The following FAM13C variants were observed in gnomAD, a reference collection of about 807,000 sequenced individuals.
The protein encoded by FAM13C is family with sequence similarity 13 member C.
Under a neutral mutation model 73.2 loss-of-function variants are expected in FAM13C, and 37 were observed. The observed-to-expected ratio is 0.51, with a 90% confidence interval of 0.39 to 0.67. The LOEUF is 0.67. FAM13C is among the 30% of genes least tolerant of loss of function. The pLI, the probability that FAM13C is intolerant of heterozygous loss-of-function variation, is 0.00. For missense variants in FAM13C, 589 were observed against 715.6 expected, an observed-to-expected ratio of 0.82 and a Z score of 2.02; for synonymous variants, 246 against 260.9, an observed-to-expected ratio of 0.94 and a Z score of 0.55.
intron 10 of FAM13C, among the ~76,000 whole-genome samples, chr10:59,259,703 AC>A (rs1842296581): frequency 6.6e-6 from 1 of 152,198 alleles, no homozygotes; most frequent in Non-Finnish European, 1.5e-5. Context: ...CACTTATTAA[AC>A]AAAATAATAG....
At chr10:59,324,894 C>G (rs1411721607) in intron 3 of FAM13C, among the ~76,000 whole-genome samples, 4 of 150,820 alleles carry the variant, frequency 2.7e-5, no homozygotes, top group Non-Finnish European at 5.9e-5. Context: ...AGAATAAACA[C>G]AATAAACACA....
chr10:59,254,584 T>C (rs1472126042), intron 10 of FAM13C, 141 bp from the exon 11 acceptor site: 87 of 152,666 alleles, frequency 5.7e-4, no homozygotes, highest in Admixed American at 1.4e-3. Context: ...GTCATTTATT[T>C]ATTTATTTAT....
chr10:59,336,903 A>G (rs926623049), intron 3 of FAM13C, among the ~76,000 whole-genome samples: 21 of 152,194 alleles, frequency 1.4e-4, no homozygotes, highest in Non-Finnish European at 2.9e-5. Context: ...TCTATCTTCC[A>G]TCACCCCATC....
At chr10:59,291,922 G>C (rs1297058113) in intron 5 of FAM13C, among the ~76,000 whole-genome samples, 1 of 151,358 alleles carries the variant, frequency 6.6e-6, no homozygotes, top group Admixed American at 6.6e-5. Context: ...CTGAGTAGCT[G>C]GGACTACAGG....
At chr10:59,283,614 A>T (rs967982761) in intron 5 of FAM13C, 167 bp from the exon 6 acceptor site, 7 of 696,998 alleles carry the variant, frequency 1.0e-5, no homozygotes, top group Admixed American at 2.1e-5. Context: ...TGGCAGGAAG[A>T]GGGTGGTGGC....
intron 4 of FAM13C, among the ~76,000 whole-genome samples, chr10:59,321,199 T>C (rs1850198197): frequency 6.6e-6 from 1 of 152,090 alleles, no homozygotes; most frequent in Non-Finnish European, 1.5e-5. Context: ...ATTATCTGAG[T>C]GAGCCCAATC....
intron 10 of FAM13C, 140 bp downstream of exon 10, chr10:59,262,294 G>A (rs1459990): frequency 0.81 from 567,934 of 701,722 alleles, 233,490 homozygotes; most frequent in Admixed American, 0.86. Context: ...CCAGTAACCT[G>A]TCAGGAACTC....
chr10:59,347,705 G>A (rs1854500658), intron 3 of FAM13C, among the ~76,000 whole-genome samples: 3 of 151,028 alleles, frequency 2.0e-5, no homozygotes, highest in Non-Finnish European at 2.9e-5. Context: ...AGGCCCCAGT[G>A]TGTGATGTTC....
chr10:59,337,152 A>G (rs1321258014), intron 3 of FAM13C, among the ~76,000 whole-genome samples: 3 of 152,166 alleles, frequency 2.0e-5, no homozygotes, highest in African/African-American at 2.4e-5. Flanking sequence ...TAATTCTATC[A>G]TTGAAGAAAG....
intron 5 of FAM13C, chr10:59,283,667 T>A (rs1017422722): frequency 2.1e-5 from 13 of 614,036 alleles, no homozygotes; most frequent in African/African-American, 2.0e-4. Context: ...CAGAATCATA[T>A]ACGCATCATT....
chr10:59,284,644 C>A (rs1289729481), intron 5 of FAM13C, among the ~76,000 whole-genome samples: 1 of 150,660 alleles, frequency 6.6e-6, no homozygotes, highest in Non-Finnish European at 1.5e-5. Context: ...CCTACATGCA[C>A]TCTCATACCT....
intron 12 of FAM13C, 92 bp downstream of exon 12, chr10:59,252,707 T>G: frequency 7.9e-7 from 1 of 1,269,312 alleles, no homozygotes; most frequent in East Asian, 2.4e-5. Context: ...CCCCTTTGAG[T>G]CCAGCATTTT....
intron 3 of FAM13C, among the ~76,000 whole-genome samples, chr10:59,337,645 C>G (rs1489844014): frequency 7.0e-6 from 1 of 143,748 alleles, no homozygotes; most frequent in Non-Finnish European, 1.5e-5. Flanking sequence ...TAGGAACTTT[C>G]CATTTTCTTT....
At chr10:59,360,944 G>T in intron 1 of FAM13C, 1 of 1,076,526 alleles carries the variant, frequency 9.3e-7, no homozygotes, top group Non-Finnish European at 1.3e-6. Context: ...ACTGACCGAG[G>T]ATTTGGCCAC....
chr10:59,325,379 G>A lies in FAM13C; in HGVS notation c.325-1273C>T, dbSNP rs76169329. On this transcript the variant is annotated intron_variant, in intron 3 of 13. Coordinates refer to ENST00000618804, the MANE Select transcript of FAM13C (RefSeq NM_198215.4). The stretch of plus-strand genomic sequence containing the variant: ...TGCCTTCATACAAAAGGGGTAAAAT[G>A]GGAACAGCTGGGCAGAGCTGTGGGA... Among the ~76,000 whole-genome samples the A allele has an allele frequency of 8.1e-3, 1,238 of 152,248 alleles. 25 individuals carry two copies. Among genetic ancestry groups the A allele is most frequent in the African/African-American group, 0.029 (1,190 of 41,536 alleles).
upstream of FAM13C, chr10:59,362,808 C>G (rs959071549): frequency 5.8e-6 from 2 of 345,274 alleles, no homozygotes; most frequent in Admixed American, 5.0e-5. Context: ...TGCCAGCCAC[C>G]CCCCGAGGCT....
intron 4 of FAM13C, among the ~76,000 whole-genome samples, chr10:59,312,839 GT>G (rs1253186372): frequency 6.6e-6 from 1 of 152,158 alleles, no homozygotes; most frequent in East Asian, 1.9e-4. Flanking sequence ...ACTCAGTTAA[GT>G]TTGGCAAGCC....
At chr10:59,349,740 G>A (rs1185682963) in intron 3 of FAM13C, among the ~76,000 whole-genome samples, 3 of 152,184 alleles carry the variant, frequency 2.0e-5, no homozygotes, top group Non-Finnish European at 2.9e-5. Flanking sequence ...TCCAGCCTGG[G>A]TGACAGAGGG....
chr10:59,315,523 T>C (rs993008883), intron 4 of FAM13C, among the ~76,000 whole-genome samples: 2 of 152,126 alleles, frequency 1.3e-5, no homozygotes, highest in African/African-American at 4.8e-5. Context: ...GGGCTATTTG[T>C]GATTATTACA....
Sources: gnomAD v4.1 joint callset for allele counts (sites outside exome capture counted in the v4.1 genomes callset) on GRCh38, gnomAD v4.1.1 for gene constraint, MANE v1.5 for transcripts, NCBI Gene and HGNC (gene_info 2026-07-23, HGNC 2026-07-21) for gene names.